Variants in CTDP1 observed in about 807,000 individuals in gnomAD.
CTDP1 encodes RNA polymerase II subunit A C-terminal domain phosphatase.
In CTDP1, 47 loss-of-function variants were observed where a neutral mutation model predicts 91.8. That is an observed-to-expected ratio of 0.51 (90% CI 0.41 to 0.65). The LOEUF (loss-of-function observed/expected upper bound fraction) is 0.65. Ranked by LOEUF, CTDP1 falls within the 30% of genes least tolerant of loss-of-function variation. CTDP1 has a pLI of 0.00. For synonymous variants in CTDP1, 656 were observed against 598.5 expected (o/e 1.10, Z -1.40); for missense variants, 1,272 against 1,373.7 (o/e 0.93, Z 1.17).
In CTDP1 at chr18:79,714,553, G is replaced by T. The variant is rs2086154993; in HGVS notation, c.1093G>T (p.Val365Leu). ...PSPPVRDPEGVTQAPGVEPSN... is the reference protein window; with the variant it reads ...PSPPVRDPEGLTQAPGVEPSN... ...TCCGCCCGTGAGAGACCCTGAGGGG[G>T]TAACGCAGGCCCCTGGAGTGGAGCC... is the stretch of plus-strand genomic sequence containing the variant. The change falls in exon 8 of 13, where the codon GTA (valine) becomes TTA (leucine). Residue 365 changes from valine (V) to leucine (L), a missense_variant. Physicochemically the swap from Val to Leu is conservative, Grantham distance 32. This residue lies in a region of CTDP1 where 881 missense variants were observed against 911.6 expected (regional missense o/e 0.97). Coordinates refer to ENST00000613122, the MANE Select transcript of CTDP1 (RefSeq NM_004715.5). 6.2e-7 allele frequency: 1 copy of T among 1,613,164 alleles called. No individual in the cohort carries two copies. The highest frequency in any genetic ancestry group is 8.5e-7 in the Non-Finnish European group (1 of 1,180,044).
intron 10 of CTDP1, among the ~76,000 whole-genome samples, chr18:79,726,979 G>C (rs1460017387): frequency 6.6e-6 from 1 of 151,248 alleles, no homozygotes; most frequent in African/African-American, 2.4e-5. Flanking sequence ...ACTGCTGTGG[G>C]GGTGGGGTGA....
chr18:79,721,090 G>T (rs1279126056), intron 10 of CTDP1, among the ~76,000 whole-genome samples: 2 of 152,132 alleles, frequency 1.3e-5, no homozygotes, highest in African/African-American at 4.8e-5. Context: ...TGTGGCGAAG[G>T]CATAGCTGAT....
intron 12 of CTDP1, among the ~76,000 whole-genome samples, chr18:79,751,671 G>A (rs1037811890): frequency 6.6e-6 from 1 of 152,192 alleles, no homozygotes; most frequent in Admixed American, 6.5e-5. Context: ...TTAGCCTCGA[G>A]TGCATGTGTG....
chr18:79,689,426 A>G (rs932008587), intron 1 of CTDP1, among the ~76,000 whole-genome samples: 1 of 152,208 alleles, frequency 6.6e-6, no homozygotes, highest in Non-Finnish European at 1.5e-5. Flanking sequence ...TTCTAGGATG[A>G]TAGTCCAGTG....
intron 8 of CTDP1, among the ~76,000 whole-genome samples, chr18:79,716,894 C>T (rs974697911): frequency 1.3e-5 from 2 of 152,278 alleles, no homozygotes; most frequent in African/African-American, 2.4e-5. Context: ...GTCTGAGATC[C>T]ACCCCTTCCC....
At chr18:79,684,793 G>A (rs977170849) in intron 1 of CTDP1, among the ~76,000 whole-genome samples, 4 of 152,254 alleles carry the variant, frequency 2.6e-5, no homozygotes, top group African/African-American at 9.6e-5. Context: ...TCTTTAATAA[G>A]ATTGTATGTT....
At position 79,680,111 on chromosome 18, in the gene CTDP1, CCG is replaced by C; in HGVS notation, c.166_167del (p.Ala56LeufsTer70). ...TCGGTGCTGGCCGTGTTCGAGGCCG[CCG>C]CCTCCGCGCAGTCCTCCGGGGCCTC... is the stretch of plus-strand genomic sequence containing the variant. On this transcript the variant is annotated frameshift_variant, in exon 1 of 13. Coordinates refer to ENST00000613122, the MANE Select transcript of CTDP1 (RefSeq NM_004715.5). LOFTEE classifies it high-confidence loss of function. 7.1e-7 allele frequency: 1 copy of C among 1,417,666 alleles called. No homozygotes were observed. The highest frequency in any genetic ancestry group is 9.2e-7 in the Non-Finnish European group (1 of 1,085,978). The allele number at this position is 1,417,666 out of a possible 1,614,324, so 87.8% of individuals were successfully genotyped here. A position where few individuals can be genotyped will look rare whatever the true frequency, so the allele number is the denominator to read the frequency against.
intron 1 of CTDP1, among the ~76,000 whole-genome samples, chr18:79,682,023 G>A (rs2085380691): frequency 1.3e-5 from 2 of 152,198 alleles, no homozygotes; most frequent in Non-Finnish European, 2.9e-5. Flanking sequence ...AGGAAGGAGC[G>A]ACTGGAAGGG....
chr18:79,715,675 A>G (rs1202843840), intron 8 of CTDP1, 147 bp downstream of exon 8: 3 of 956,096 alleles, frequency 3.1e-6, no homozygotes, highest in African/African-American at 1.7e-5. Flanking sequence ...AGATCATGAC[A>G]GTGGGTGAAA....
In CTDP1 at chr18:79,680,014, C is replaced by T. The variant is rs2085323040; in HGVS notation, c.67C>T (p.Arg23Cys). The stretch of plus-strand genomic sequence containing the variant: ...CCCGACGGCGGCTGTGGCCGAGGTG[C>T]GCTGCCCGGGGCCCGCGCCGCTGCG... ...GAPTAAVAEV[R>C]CPGPAPLRLL... The change falls in exon 1 of 13, where the codon CGC becomes TGC. Residue 23 changes from arginine (R) to cysteine (C), a missense_variant. This residue lies in a region of CTDP1 where 214 missense variants were observed against 179.1 expected (regional missense o/e 1.19). Transcript: ENST00000613122. 7.7e-7 allele frequency: 1 copy of T among 1,292,394 alleles called. No homozygotes were observed. The highest frequency in any genetic ancestry group is 9.8e-7 in the Non-Finnish European group (1 of 1,022,818). 80.1% of individuals were successfully genotyped at this position (1,292,394 alleles called of 1,614,324 possible). A position where few individuals can be genotyped will look rare whatever the true frequency, so the allele number is the denominator to read the frequency against.
At chr18:79,694,735 C>T (rs1374081489) in intron 1 of CTDP1, among the ~76,000 whole-genome samples, 2 of 152,196 alleles carry the variant, frequency 1.3e-5, no homozygotes, top group African/African-American at 2.4e-5. Context: ...GCCAGAAGAC[C>T]ACTGTTTGGA....
intron 3 of CTDP1, 67 bp downstream of exon 3, chr18:79,696,137 G>A (rs1401706096): frequency 7.1e-7 from 1 of 1,400,044 alleles, no homozygotes; most frequent in Non-Finnish European, 9.9e-7. Flanking sequence ...GCTGCAGGAG[G>A]AGGGTGGCTG....
At position 79,679,841 on chromosome 18, in the gene CTDP1, C is replaced by A. The variant is rs1372125187; in HGVS notation, c.-107C>A. 35 of 1,102,058 alleles carry A rather than the reference C, an allele frequency of 3.2e-5. No individual in the cohort carries two copies. In the East Asian group the frequency reaches 1.1e-3, roughly 34 times the overall value. The allele number at this position is 1,102,058 out of a possible 1,614,324, so 68.3% of individuals were successfully genotyped here. A position where few individuals can be genotyped will look rare whatever the true frequency, so the allele number is the denominator to read the frequency against. ...CTAGGCGACGGGTGGAAGCCGGTACCGAGAGGAACTACAGCGTCGCCGCCT... is the reference window on the plus strand; with the variant it reads ...CTAGGCGACGGGTGGAAGCCGGTACAGAGAGGAACTACAGCGTCGCCGCCT... On this transcript the variant is annotated 5_prime_UTR_variant, in exon 1 of 13. Coordinates refer to ENST00000613122, the MANE Select transcript of CTDP1 (RefSeq NM_004715.5).
At chr18:79,725,696 G>GA (rs1158540300) in intron 10 of CTDP1, among the ~76,000 whole-genome samples, 1 of 151,886 alleles carries the variant, frequency 6.6e-6, no homozygotes, top group African/African-American at 2.4e-5. Context: ...GTTCCCTCGG[G>GA]GTCCCTTCCC....
Position 79,679,846 on chromosome 18 carries a change from G to A in CTDP1, c.-102G>A, listed in dbSNP as rs866954217. On this transcript the variant is annotated 5_prime_UTR_variant, in exon 1 of 13. Coordinates refer to ENST00000613122, the MANE Select transcript of CTDP1 (RefSeq NM_004715.5). ...CGACGGGTGGAAGCCGGTACCGAGA[G>A]GAACTACAGCGTCGCCGCCTGGGTT... The A allele has an allele frequency of 2.4e-5, 27 of 1,134,162 alleles. No individual in the cohort carries two copies. The Middle Eastern group carries it at 1.9e-3, about 82-fold the overall frequency. 70.3% of individuals were successfully genotyped at this position (1,134,162 alleles called of 1,614,324 possible). A position where few individuals can be genotyped will look rare whatever the true frequency, so the allele number is the denominator to read the frequency against.
intron 10 of CTDP1, among the ~76,000 whole-genome samples, chr18:79,725,185 G>A (rs764090746): frequency 6.6e-6 from 1 of 152,168 alleles, no homozygotes; most frequent in Admixed American, 6.5e-5. Context: ...ACCTTGATGC[G>A]CTTCTGTGAA....
intron 10 of CTDP1, among the ~76,000 whole-genome samples, chr18:79,722,141 G>A (rs1306022851): frequency 6.6e-6 from 1 of 152,130 alleles, no homozygotes; most frequent in Non-Finnish European, 1.5e-5. Flanking sequence ...AGTGAGCTAG[G>A]AATTTCTAAG....
intron 1 of CTDP1, among the ~76,000 whole-genome samples, chr18:79,689,863 CT>C (rs1466412865): frequency 6.6e-6 from 1 of 152,156 alleles, no homozygotes; most frequent in Non-Finnish European, 1.5e-5. Flanking sequence ...TATTATTTGC[CT>C]TGACACAAAA....
chr18:79,696,922 G>A (rs2085760726), intron 3 of CTDP1, among the ~76,000 whole-genome samples: 1 of 152,130 alleles, frequency 6.6e-6, no homozygotes, highest in Non-Finnish European at 1.5e-5. Flanking sequence ...AGACTTTCAG[G>A]GCTGCACAGT....
Sources: gnomAD v4.1 joint callset for allele counts (sites outside exome capture counted in the v4.1 genomes callset) on GRCh38, gnomAD v4.1.1 for gene constraint, gnomAD v4.1.1 regional missense constraint, MANE v1.5 for transcripts, NCBI Gene and HGNC (gene_info 2026-07-23, HGNC 2026-07-21) for gene names.